TPRX2: variants seen among roughly 807,000 people sequenced by gnomAD.
TPRX2 encodes the protein tetrapeptide repeat homeobox protein 2.
the TPRX2 span, chr19:47,860,875 G>C: frequency 3.7e-5 from 57 of 1,534,074 alleles, no homozygotes; most frequent in South Asian, 6.7e-4. Flanking sequence ...CGCGTCCCTG[G>C]GCAGAGAGGC....
At chr19:47,860,691 G>T in the TPRX2 span, 2 of 1,288,320 alleles carry the variant, frequency 1.6e-6, no homozygotes, top group Non-Finnish European at 2.1e-6. Flanking sequence ...GTGGGTGCGG[G>T]GTGGGGGTGA....
At chr19:47,861,449 C>A in the TPRX2 span, 1 of 831,844 alleles carries the variant, frequency 1.2e-6, no homozygotes, top group Non-Finnish European at 1.8e-6. Context: ...CGTCTCAGTA[C>A]AAAGAGGAGG....
chr19:47,861,118 C>T, the TPRX2 span: 2 of 702,330 alleles, frequency 2.8e-6, no homozygotes, highest in African/African-American at 1.8e-5. Context: ...CCAATCCCAG[C>T]CCCTATCCCA....
At chr19:47,860,876 G>A in the TPRX2 span, 2 of 1,534,140 alleles carry the variant, frequency 1.3e-6, no homozygotes, top group Non-Finnish European at 1.7e-6. Flanking sequence ...GCGTCCCTGG[G>A]CAGAGAGGCC....
the TPRX2 span, chr19:47,861,056 T>G: frequency 1.3e-6 from 1 of 787,198 alleles, no homozygotes; most frequent in Non-Finnish European, 2.2e-6. Flanking sequence ...GGGGTGGCCC[T>G]GAGTGTGGAA....
the TPRX2 span, chr19:47,860,309 G>T: frequency 7.1e-6 from 8 of 1,133,502 alleles, no homozygotes; most frequent in East Asian, 4.7e-4. Flanking sequence ...CACCCCGCCC[G>T]CCCCAGTCAC....
chr19:47,859,510 C>CACT, the TPRX2 span, among the ~76,000 whole-genome samples: 1 of 149,976 alleles, frequency 6.7e-6, no homozygotes, highest in African/African-American at 2.5e-5. Context: ...GCCCGGGACT[C>CACT]TGAAACCAGC....
the TPRX2 span, chr19:47,861,324 T>C: frequency 2.1e-6 from 1 of 477,068 alleles, no homozygotes; most frequent in Non-Finnish European, 4.2e-6. Context: ...AGGCGCCTTG[T>C]GGCCTCAGAG....
the TPRX2 span, chr19:47,861,217 C>A: frequency 3.4e-6 from 2 of 593,232 alleles, no homozygotes; most frequent in African/African-American, 3.7e-5. Flanking sequence ...ATCCCCGGTC[C>A]AATACCAGCC....
the TPRX2 span, chr19:47,861,026 C>A: frequency 1.1e-6 from 1 of 915,092 alleles, no homozygotes; most frequent in African/African-American, 1.6e-5. Context: ...AACCGAAGAT[C>A]TACAGCCTCC....
the TPRX2 span, chr19:47,860,743 T>C: frequency 3.4e-6 from 5 of 1,490,990 alleles, no homozygotes; most frequent in African/African-American, 7.0e-5. Flanking sequence ...CCCGAGCGGC[T>C]CACCCGGGCC....
At chr19:47,860,836 G>A in the TPRX2 span, 1 of 1,533,418 alleles carries the variant, frequency 6.5e-7, no homozygotes, top group Non-Finnish European at 8.7e-7. Context: ...AAACTAGCTC[G>A]GGAGCGGCGG....
At chr19:47,860,728 C>T in the TPRX2 span, 2 of 1,464,850 alleles carry the variant, frequency 1.4e-6, no homozygotes, top group Non-Finnish European at 9.0e-7. Flanking sequence ...GAGGCCGGCG[C>T]CGCCCCCGAG....
At chr19:47,860,059 G>T in the TPRX2 span, 7 of 1,394,466 alleles carry the variant, frequency 5.0e-6, no homozygotes, top group South Asian at 2.5e-5. Context: ...GGGTCCCTAG[G>T]GGGGCTGGGG....
the TPRX2 span, chr19:47,861,564 A>G: frequency 8.3e-7 from 1 of 1,197,660 alleles, no homozygotes; most frequent in Admixed American, 2.1e-5. Context: ...GGAGTGGCTG[A>G]TCTACACTGC....
the TPRX2 span, chr19:47,860,917 T>C: frequency 5.9e-6 from 9 of 1,526,498 alleles, no homozygotes; most frequent in African/African-American, 8.2e-5. Flanking sequence ...CTAGTCCCTG[T>C]AGCCGCTGCC....
At chr19:47,861,157 C>T in the TPRX2 span, 1 of 687,014 alleles carries the variant, frequency 1.5e-6, no homozygotes, top group Non-Finnish European at 2.7e-6. Context: ...GGCCCAGTCC[C>T]AGGCCCAGCC....
chr19:47,860,646 C>A, the TPRX2 span, among the ~76,000 whole-genome samples: 38 of 151,884 alleles, frequency 2.5e-4, no homozygotes, highest in Middle Eastern at 3.4e-3. Flanking sequence ...TCTTCCCTCC[C>A]TTCTCCAGGC....
chr19:47,861,148 G>A, the TPRX2 span: 2 of 692,620 alleles, frequency 2.9e-6, no homozygotes, highest in Non-Finnish European at 5.3e-6. Context: ...CAGATCCCAG[G>A]CCCAGTCCCA....
Sources: allele counts gnomAD v4.1 joint callset (sites outside exome capture counted in the v4.1 genomes callset), GRCh38; gene constraint gnomAD v4.1.1; transcripts MANE v1.5; gene names NCBI Gene and HGNC (gene_info 2026-07-23, HGNC 2026-07-21).